The following FAM220A variants were observed in gnomAD, a reference collection of about 807,000 sequenced individuals.
FAM220A encodes protein FAM220A.
For missense variants in FAM220A, 392 were observed against 321.6 expected (o/e 1.22, Z -1.68); for synonymous variants, 141 against 130.7 (o/e 1.08, Z -0.54).
At chr7:6,331,509 C>A (rs1272643476) in intron 1 of FAM220A, among the ~76,000 whole-genome samples, 1 of 151,538 alleles carries the variant, frequency 6.6e-6, no homozygotes, top group East Asian at 2.0e-4. Context: ...CTCTGTCGCC[C>A]ACGCTGGGCG....
At chr7:6,341,366 C>A (rs1391050920) in intron 1 of FAM220A, among the ~76,000 whole-genome samples, 2 of 151,284 alleles carry the variant, frequency 1.3e-5, no homozygotes, top group East Asian at 1.9e-4. Context: ...TGGTGTGAAC[C>A]GGGAGGCGGA....
At chr7:6,339,533 G>C (rs149758916) in intron 1 of FAM220A, among the ~76,000 whole-genome samples, 3,211 of 151,972 alleles carry the variant, frequency 0.021, 124 homozygotes, top group African/African-American at 0.074. Flanking sequence ...GCCCAGGCTG[G>C]AGTGCAGTGG....
At chr7:6,346,281 A>T (rs1249570966) in intron 1 of FAM220A, among the ~76,000 whole-genome samples, 2 of 152,094 alleles carry the variant, frequency 1.3e-5, no homozygotes, top group Admixed American at 6.6e-5. Flanking sequence ...TGACCCCTCT[A>T]ATCAGGTATA....
Position 6,348,651 on chromosome 7 carries a change from G to A in FAM220A, c.-160C>T. ...TGATACGCAGCCGCCAGGCCAGGTC[G>A]AAGAAGATGAGCAGCGTGCGAGTCA... On this transcript the variant is annotated 5_prime_UTR_variant, in exon 1 of 2. Transcript: ENST00000313324. The A allele has an allele frequency of 2.0e-6, 1 of 511,036 alleles. No homozygotes were observed. Among genetic ancestry groups the A allele is most frequent in the Non-Finnish European group, 3.5e-6 (1 of 281,896 alleles). 31.7% of individuals were successfully genotyped at this position (511,036 alleles called of 1,614,324 possible).
intron 1 of FAM220A, among the ~76,000 whole-genome samples, chr7:6,333,301 T>C (rs555855389): frequency 5.3e-5 from 8 of 152,146 alleles, no homozygotes; most frequent in South Asian, 2.1e-4. Flanking sequence ...GAGCCGGTGA[T>C]TGGAGCCAGC....
intron 1 of FAM220A, among the ~76,000 whole-genome samples, chr7:6,333,929 C>A (rs1227670063): frequency 2.0e-5 from 3 of 147,462 alleles, no homozygotes; most frequent in Non-Finnish European, 4.5e-5. Flanking sequence ...TCACTAAAAG[C>A]TCCACCTCCC....
intron 1 of FAM220A, among the ~76,000 whole-genome samples, chr7:6,338,298 C>T (rs917966021): frequency 3.9e-5 from 6 of 151,990 alleles, no homozygotes; most frequent in Admixed American, 6.6e-5. Context: ...ATATATTGTA[C>T]CAGATAAAAT....
At chr7:6,338,331 A>C (rs981243056) in intron 1 of FAM220A, among the ~76,000 whole-genome samples, 1 of 152,166 alleles carries the variant, frequency 6.6e-6, no homozygotes, top group African/African-American at 2.4e-5. Flanking sequence ...ATACAAAATC[A>C]GCTCTTTTTG....
rs1017410464 is a variant in FAM220A at position 6,348,966 on chromosome 7, C to G, written c.-475G>C. Reference sequence around the variant, plus strand: ...GCCTGTACCAGCCTGGCCGCGCAGCCTGACGTCACAAAGCCAGCCACGCGC... The same window carrying G: ...GCCTGTACCAGCCTGGCCGCGCAGCGTGACGTCACAAAGCCAGCCACGCGC... On this transcript the variant is annotated 5_prime_UTR_variant, in exon 1 of 2. Transcript: ENST00000313324. 67 of 376,614 alleles carry G rather than the reference C, an allele frequency of 1.8e-4. No homozygotes were observed. The highest frequency in any genetic ancestry group is 7.4e-4 in the East Asian group (19 of 25,844). The allele number at this position is 376,614 out of a possible 1,614,324, so 23.3% of individuals were successfully genotyped here. A position where few individuals can be genotyped will look rare whatever the true frequency, so the allele number is the denominator to read the frequency against.
At chr7:6,341,940 G>C (rs1229326063) in intron 1 of FAM220A, 1 of 151,970 alleles carries the variant, frequency 6.6e-6, no homozygotes, top group African/African-American at 2.4e-5. Context: ...GGAGGCTGCA[G>C]TGAGCCAAGA....
intron 1 of FAM220A, among the ~76,000 whole-genome samples, chr7:6,334,673 C>T (rs749346772): frequency 6.6e-6 from 1 of 151,932 alleles, no homozygotes; most frequent in Non-Finnish European, 1.5e-5. Context: ...CACGAGTTGC[C>T]CAGGCTGGTC....
intron 1 of FAM220A, among the ~76,000 whole-genome samples, chr7:6,333,577 CA>C (rs1781681597): frequency 6.6e-6 from 1 of 151,796 alleles, no homozygotes; most frequent in Non-Finnish European, 1.5e-5. Context: ...CAGCTCACTG[CA>C]GCCTGTAACT....
intron 1 of FAM220A, among the ~76,000 whole-genome samples, chr7:6,337,559 G>A (rs1236021985): frequency 2.0e-5 from 3 of 151,614 alleles, no homozygotes; most frequent in Admixed American, 2.0e-4. Context: ...CTAGAATTGT[G>A]TTAAAGTACT....
At chr7:6,336,628 G>A (rs1781752667) in intron 1 of FAM220A, among the ~76,000 whole-genome samples, 2 of 150,146 alleles carry the variant, frequency 1.3e-5, no homozygotes, top group Admixed American at 6.6e-5. Flanking sequence ...AGGCTGCCGT[G>A]AGCCAAGATG....
chr7:6,330,211 C>T lies in FAM220A; in HGVS notation c.*164G>A. On this transcript the variant is annotated 3_prime_UTR_variant, in exon 2 of 2. Coordinates refer to ENST00000313324, the MANE Select transcript of FAM220A (RefSeq NM_001037163.2). ...CATGCCAAAAAAGTTCCTTCCGCATCAACTGGCTTTGAATTTAAACTCAAT... is the reference window on the plus strand; with the variant it reads ...CATGCCAAAAAAGTTCCTTCCGCATTAACTGGCTTTGAATTTAAACTCAAT... 2 of 703,866 alleles carry T rather than the reference C, an allele frequency of 2.8e-6. No individual in the cohort carries two copies. The highest frequency in any genetic ancestry group is 4.7e-6 in the Non-Finnish European group (2 of 425,832). The allele number at this position is 703,866 out of a possible 1,614,324, so 43.6% of individuals were successfully genotyped here.
intron 1 of FAM220A, among the ~76,000 whole-genome samples, chr7:6,347,518 A>C (rs1358630482): frequency 6.2e-5 from 5 of 80,984 alleles, no homozygotes; most frequent in East Asian, 8.3e-4. Flanking sequence ...TGTCTCAGGG[A>C]AAAAAAAAAA....
intron 1 of FAM220A, among the ~76,000 whole-genome samples, chr7:6,340,358 G>C (rs1278971707): frequency 6.6e-6 from 1 of 152,174 alleles, no homozygotes; most frequent in Non-Finnish European, 1.5e-5. Context: ...ACGCTGCTGA[G>C]AGGGTTGGTG....
Position 6,348,950 on chromosome 7 carries a change from A to T in FAM220A, c.-459T>A, listed in dbSNP as rs538594340. 6,441 of 379,522 alleles carry T rather than the reference A, an allele frequency of 0.017. 109 individuals are homozygous for T. Among genetic ancestry groups the T allele is most frequent in the East Asian group, 0.052 (1,348 of 26,108 alleles). 23.5% of individuals were successfully genotyped at this position (379,522 alleles called of 1,614,324 possible). On this transcript the variant is annotated 5_prime_UTR_variant, in exon 1 of 2. Coordinates refer to ENST00000313324, the MANE Select transcript of FAM220A (RefSeq NM_001037163.2). ...GCCTCCGCGAGCAGCCGCCTGTACC[A>T]GCCTGGCCGCGCAGCCTGACGTCAC...
At chr7:6,332,979 T>C (rs1358780467) in intron 1 of FAM220A, among the ~76,000 whole-genome samples, 1 of 151,566 alleles carries the variant, frequency 6.6e-6, no homozygotes, top group Non-Finnish European at 1.5e-5. Context: ...GTCAACATGG[T>C]GAAACCCTGT....
Sources: gnomAD v4.1 joint callset for allele counts (sites outside exome capture counted in the v4.1 genomes callset) on GRCh38, gnomAD v4.1.1 for gene constraint, MANE v1.5 for transcripts, NCBI Gene and HGNC (gene_info 2026-07-23, HGNC 2026-07-21) for gene names.